B3GALT1: variants seen among roughly 807,000 people sequenced by gnomAD.
B3GALT1 encodes the protein UDP-Gal:betaGlcNAc beta 1,3-galactosyltransferase, polypeptide 1.
A neutral mutation model predicts 23.2 loss-of-function variants in B3GALT1; 10 were observed. The observed-to-expected ratio is 0.43, with a 90% CI of 0.27 to 0.73. The LOEUF is 0.73. B3GALT1 is among the 30% of genes least tolerant of loss of function. The probability of loss-of-function intolerance (pLI) is 0.21; values close to 1 mark genes in which losing one functional copy is unlikely to be tolerated. For synonymous variants in B3GALT1, 156 were observed against 141.5 expected (o/e 1.10, Z -0.73); for missense variants, 299 against 405.4 (o/e 0.74, Z 2.25).
chr2:167,514,579 T>A (rs1700074430), intron 2 of B3GALT1, among the ~76,000 whole-genome samples: 1 of 152,136 alleles, frequency 6.6e-6, no homozygotes, highest in South Asian at 2.1e-4. Flanking sequence ...TATAAATGAG[T>A]TTATTTGGAG....
At chr2:167,633,065 A>G (rs1404184514) in intron 2 of B3GALT1, among the ~76,000 whole-genome samples, 1 of 151,918 alleles carries the variant, frequency 6.6e-6, no homozygotes, top group African/African-American at 2.4e-5. Context: ...TCCTTTCCCC[A>G]TTGTTTGAAA....
intron 2 of B3GALT1, among the ~76,000 whole-genome samples, chr2:167,582,404 C>T (rs535444851): frequency 1.5e-3 from 225 of 152,286 alleles, no homozygotes; most frequent in Non-Finnish European, 2.2e-3. Flanking sequence ...TAAGTTTACT[C>T]ACACTGTACT....
At chr2:167,580,415 G>A (rs894882578) in intron 2 of B3GALT1, among the ~76,000 whole-genome samples, 16 of 151,800 alleles carry the variant, frequency 1.1e-4, no homozygotes, top group African/African-American at 3.9e-4. Flanking sequence ...TGGAAAAAAG[G>A]CCAAATACCA....
intron 3 of B3GALT1, among the ~76,000 whole-genome samples, chr2:167,675,723 G>A (rs1411730702): frequency 6.6e-6 from 1 of 152,134 alleles, no homozygotes; most frequent in Admixed American, 6.5e-5. Context: ...CCACTACTGA[G>A]AAATTCAATA....
intron 1 of B3GALT1, among the ~76,000 whole-genome samples, chr2:167,400,140 G>A (rs1698163305): frequency 6.9e-6 from 1 of 144,402 alleles, no homozygotes; most frequent in African/African-American, 2.5e-5. Flanking sequence ...CTTTCTTCTT[G>A]GAGTTATGAA....
At chr2:167,336,946 A>C (rs1431595400) in intron 1 of B3GALT1, among the ~76,000 whole-genome samples, 1 of 152,136 alleles carries the variant, frequency 6.6e-6, no homozygotes, top group Non-Finnish European at 1.5e-5. Flanking sequence ...TCTACCTCAA[A>C]CAGTTGGGTT....
chr2:167,569,406 T>C lies in B3GALT1; in HGVS notation c.-409-77503T>C, dbSNP rs367758936. Among the ~76,000 whole-genome samples, 96 of 152,068 alleles carry C rather than the reference T, an allele frequency of 6.3e-4. 3 individuals are homozygous for C. In the South Asian group the frequency reaches 0.019, roughly 30 times the overall value. On this transcript the variant is annotated intron_variant, in intron 2 of 4. Transcript: ENST00000392690. ...TTTTTAGATTTCCTCATATGGATCT[T>C]ATACAATTTTTTAAATATTTGTACC...
chr2:167,343,864 G>T (rs1017152950), intron 1 of B3GALT1, among the ~76,000 whole-genome samples: 2 of 152,204 alleles, frequency 1.3e-5, no homozygotes, highest in Non-Finnish European at 2.9e-5. Context: ...AAGCTAAAAG[G>T]CAAAAGATAG....
At chr2:167,812,358 T>C (rs1688906785) in intron 3 of B3GALT1, among the ~76,000 whole-genome samples, 1 of 152,240 alleles carries the variant, frequency 6.6e-6, no homozygotes, top group Non-Finnish European at 1.5e-5. Flanking sequence ...CTTCCATTTT[T>C]AAAGGCAGAG....
intron 2 of B3GALT1, among the ~76,000 whole-genome samples, chr2:167,518,270 A>G (rs1253035134): frequency 1.3e-5 from 2 of 152,058 alleles, no homozygotes; most frequent in Admixed American, 1.3e-4. Flanking sequence ...CTATTTACTT[A>G]TTCAAAAATC....
In B3GALT1 at chr2:167,870,106, T is replaced by A. The variant is rs1690313720; in HGVS notation, c.*86T>A. 10 of 1,380,328 alleles carry A rather than the reference T, an allele frequency of 7.2e-6. No homozygotes were observed. Among genetic ancestry groups the A allele is most frequent in the Non-Finnish European group, 9.7e-6 (10 of 1,029,650 alleles). The allele number at this position is 1,380,328 out of a possible 1,614,324, so 85.5% of individuals were successfully genotyped here. On this transcript the variant is annotated 3_prime_UTR_variant, in exon 5 of 5. Transcript: ENST00000392690. ...GGTATTTTCCAGGTGTCGGGGGAAA[T>A]GAACTGGTGAAGGGGTTTTGTAAAG...
At chr2:167,772,897 C>A (rs1688096339) in intron 3 of B3GALT1, among the ~76,000 whole-genome samples, 1 of 152,132 alleles carries the variant, frequency 6.6e-6, no homozygotes, top group African/African-American at 2.4e-5. Context: ...GCAGAATTTC[C>A]CCAGCCAAAA....
At chr2:167,747,878 A>T (rs1212393012) in intron 3 of B3GALT1, among the ~76,000 whole-genome samples, 5 of 152,208 alleles carry the variant, frequency 3.3e-5, no homozygotes, top group African/African-American at 1.2e-4. Flanking sequence ...TGACTATTAA[A>T]ACTGAGCAGA....
rs560935077 is a variant in B3GALT1 at position 167,572,814 on chromosome 2, A to G, written c.-409-74095A>G. On this transcript the variant is annotated intron_variant, in intron 2 of 4. Transcript: ENST00000392690. ...CCTGGATGCCAAAAGGAGCCCTCCA[A>G]TGACTTTTGAAGGGACTAGTAGGTT... 5.9e-4 allele frequency among the ~76,000 whole-genome samples: 89 copies of G among 151,910 alleles called. 1 individual carries two copies. In the South Asian group the frequency reaches 0.015, roughly 25 times the overall value.
intron 2 of B3GALT1, among the ~76,000 whole-genome samples, chr2:167,627,160 G>A (rs1004376509): frequency 6.6e-6 from 1 of 151,680 alleles, no homozygotes; most frequent in African/African-American, 2.4e-5. Flanking sequence ...TATAATGTGT[G>A]TGTATGTGTG....
intron 2 of B3GALT1, among the ~76,000 whole-genome samples, chr2:167,595,353 C>G (rs1684758269): frequency 6.6e-6 from 1 of 152,132 alleles, no homozygotes; most frequent in African/African-American, 2.4e-5. Flanking sequence ...TGTGCTGTCT[C>G]ATTAATCCAT....
At chr2:167,512,142 G>T (rs1243221255) in intron 2 of B3GALT1, among the ~76,000 whole-genome samples, 1 of 152,034 alleles carries the variant, frequency 6.6e-6, no homozygotes, top group East Asian at 1.9e-4. Context: ...AGTATAATTT[G>T]AAGTAAATGT....
chr2:167,728,461 C>T (rs1011079166), intron 3 of B3GALT1, among the ~76,000 whole-genome samples: 5 of 152,116 alleles, frequency 3.3e-5, no homozygotes, highest in South Asian at 2.1e-4. Context: ...ATTAGAGGTA[C>T]AAACAAGTGA....
chr2:167,618,959 C>G (rs1200679208), intron 2 of B3GALT1, among the ~76,000 whole-genome samples: 1 of 146,732 alleles, frequency 6.8e-6, no homozygotes, highest in South Asian at 2.1e-4. Flanking sequence ...TTTTTTCTTT[C>G]TAGTTAGTAA....
Sources: allele counts gnomAD v4.1 joint callset (sites outside exome capture counted in the v4.1 genomes callset), GRCh38; gene constraint gnomAD v4.1.1; transcripts MANE v1.5; gene names NCBI Gene and HGNC (gene_info 2026-07-23, HGNC 2026-07-21).